The following ANKRD30A variants were observed in gnomAD, a reference collection of about 807,000 sequenced individuals.
The protein encoded by ANKRD30A is ankyrin repeat domain-containing protein 30A.
In ANKRD30A, 170 loss-of-function variants were observed where a neutral mutation model predicts 166.3. That is an observed-to-expected ratio of 1.02 (90% CI 0.90 to 1.16). The LOEUF (loss-of-function observed/expected upper bound fraction) is 1.16, where lower values mean the gene tolerates loss of function less well. ANKRD30A is among the 50% of genes most tolerant of loss of function. The pLI is 0.00. For synonymous variants in ANKRD30A, 564 were observed against 508.9 expected (o/e 1.11, Z -1.46); for missense variants, 1,630 against 1,518.0 (o/e 1.07, Z -1.23).
intron 25 of ANKRD30A, among the ~76,000 whole-genome samples, chr10:37,191,178 G>T (rs1588884792): frequency 6.6e-6 from 1 of 151,846 alleles, no homozygotes; most frequent in East Asian, 1.9e-4. Flanking sequence ...GATGAGATTT[G>T]TACATCTTCC....
At chr10:37,172,330 G>T (rs1839637204) in intron 21 of ANKRD30A, among the ~76,000 whole-genome samples, 1 of 122,854 alleles carries the variant, frequency 8.1e-6, no homozygotes, top group South Asian at 2.4e-4. Flanking sequence ...CAGTTGGATA[G>T]AAGGTCAAGA....
intron 9 of ANKRD30A, 111 bp downstream of exon 9, chr10:37,147,568 C>A (rs796976819): frequency 5.1e-6 from 3 of 589,098 alleles, no homozygotes; most frequent in Non-Finnish European, 5.6e-6. Flanking sequence ...TACATAACAT[C>A]GAAAAGAGAG....
In ANKRD30A at chr10:37,159,819, C is replaced by G. The variant is rs796265208; in HGVS notation, c.1900+1233C>G. On this transcript the variant is annotated intron_variant, in intron 15 of 35. Transcript: ENST00000361713. Reference sequence around the variant, plus strand: ...ACGCCATTCTCCTGCCTCAGCCTCCCGAGTAGCTGGGACTCCAGGCGCCTG... The same window carrying G: ...ACGCCATTCTCCTGCCTCAGCCTCCGGAGTAGCTGGGACTCCAGGCGCCTG... 4.6e-5 allele frequency among the ~76,000 whole-genome samples: 7 copies of G among 152,160 alleles called. No homozygotes were observed. The East Asian group carries it at 1.4e-3, about 29-fold the overall frequency.
intron 31 of ANKRD30A, among the ~76,000 whole-genome samples, chr10:37,202,792 A>G (rs1409839548): frequency 6.6e-6 from 1 of 152,196 alleles, no homozygotes; most frequent in African/African-American, 2.4e-5. Flanking sequence ...ACAATAAAAA[A>G]TGATAAAGGG....
rs572888009 is a variant in ANKRD30A at position 37,195,045 on chromosome 10, G to T, written c.2614+1787G>T. 3.1e-3 allele frequency among the ~76,000 whole-genome samples: 477 copies of T among 152,160 alleles called. 1 individual carries two copies. Among genetic ancestry groups the T allele is most frequent in the Non-Finnish European group, 5.5e-3 (372 of 68,004 alleles). On this transcript the variant is annotated intron_variant, in intron 27 of 35. Coordinates refer to ENST00000361713, the MANE Select transcript of ANKRD30A (RefSeq NM_052997.3). ...GAAAAATTTTAGTTTACACTTCTTA[G>T]AAAATATCAGTAAATAGAAGAAATA... is the stretch of plus-strand genomic sequence containing the variant.
chr10:37,258,912 G>A, the ANKRD30A span, among the ~76,000 whole-genome samples: 3 of 139,370 alleles, frequency 2.2e-5, no homozygotes, highest in Non-Finnish European at 3.0e-5. Context: ...GCAGTGAGCC[G>A]AGATTGTGCT....
chr10:37,232,994 A>G (rs1472236791), downstream of ANKRD30A, among the ~76,000 whole-genome samples: 1 of 151,850 alleles, frequency 6.6e-6, no homozygotes, highest in Non-Finnish European at 1.5e-5. Context: ...CTGTCACTAA[A>G]ATACCCATTT....
In ANKRD30A at chr10:37,145,027, G is replaced by A. The variant is rs867286949; in HGVS notation, c.1426G>A (p.Glu476Lys). 2.1e-5 allele frequency: 33 copies of A among 1,599,532 alleles called. No homozygotes were observed. Among genetic ancestry groups the A allele is most frequent in the Non-Finnish European group, 2.8e-5 (33 of 1,173,002 alleles). ...GTTCCCATCAGAATCCAAACAAGAG[G>A]AAGATGAAGAATATTCTTGTGATTC... ...QRFPSESKQE[E>K]DEEYSCDSRS... Residue 476 changes from glutamate to lysine, a missense_variant, in exon 8 of 36, where the codon GAA becomes AAA. By Grantham distance (56) the Glu-to-Lys change is moderately conservative. This residue lies in a region of ANKRD30A where 904 missense variants were observed against 818.5 expected (regional missense o/e 1.10). Coordinates refer to ENST00000361713, the MANE Select transcript of ANKRD30A (RefSeq NM_052997.3).
intron 15 of ANKRD30A, among the ~76,000 whole-genome samples, chr10:37,161,155 A>C (rs369107419): frequency 1.9e-4 from 29 of 152,292 alleles, no homozygotes; most frequent in South Asian, 8.3e-4. Flanking sequence ...GGTGATGCTG[A>C]TGCTGGTGGT....
intron 29 of ANKRD30A, among the ~76,000 whole-genome samples, chr10:37,198,215 C>T (rs886830850): frequency 5.9e-5 from 9 of 151,968 alleles, no homozygotes; most frequent in African/African-American, 9.7e-5. Context: ...AACATGTGTG[C>T]GTGGTCATAT....
intron 12 of ANKRD30A, 112 bp from the exon 13 acceptor site, chr10:37,153,460 T>C: frequency 6.6e-7 from 1 of 1,517,586 alleles, no homozygotes; most frequent in Non-Finnish European, 8.9e-7. Flanking sequence ...AGTCGAATTG[T>C]TTGCAAAGGA....
intron 34 of ANKRD30A, among the ~76,000 whole-genome samples, chr10:37,229,129 A>T (rs1035162210): frequency 2.0e-5 from 3 of 151,948 alleles, no homozygotes; most frequent in African/African-American, 7.2e-5. Context: ...TGGAGCTTCT[A>T]GGCATTCATA....
At chr10:37,163,020 T>C (rs1839054889) in intron 17 of ANKRD30A, among the ~76,000 whole-genome samples, 172 bp downstream of exon 17, 1 of 152,168 alleles carries the variant, frequency 6.6e-6, no homozygotes, top group East Asian at 1.9e-4. Context: ...CACAGTAATT[T>C]TCAATATATT....
At chr10:37,254,580 G>A in the ANKRD30A span, among the ~76,000 whole-genome samples, 1 of 150,204 alleles carries the variant, frequency 6.7e-6, no homozygotes, top group Admixed American at 6.6e-5. Context: ...CTGTTGAGTT[G>A]TAAAAGTTCT....
chr10:37,235,450 T>A (rs1264620368), downstream of ANKRD30A, among the ~76,000 whole-genome samples: 1 of 152,186 alleles, frequency 6.6e-6, no homozygotes, highest in Admixed American at 6.5e-5. Context: ...ACTTATTTGA[T>A]TATGCTACAT....
intron 35 of ANKRD30A, among the ~76,000 whole-genome samples, 195 bp from the exon 36 acceptor site, chr10:37,232,304 T>C (rs910913744): frequency 6.6e-6 from 1 of 151,938 alleles, no homozygotes; most frequent in Admixed American, 6.6e-5. Flanking sequence ...TCCCTCAGTT[T>C]TTGTAAAGTG....
chr10:37,128,864 C>G (rs1458152490), intron 1 of ANKRD30A, among the ~76,000 whole-genome samples: 1 of 152,130 alleles, frequency 6.6e-6, no homozygotes, highest in Middle Eastern at 3.4e-3. Context: ...AATATAACTA[C>G]CAACCGTGAT....
intron 29 of ANKRD30A, among the ~76,000 whole-genome samples, chr10:37,199,387 ATGG>A (rs1361889844): frequency 2.6e-5 from 4 of 152,036 alleles, no homozygotes; most frequent in Non-Finnish European, 4.4e-5. Context: ...GAAATGAGAG[ATGG>A]TAGGTAATTA....
intron 15 of ANKRD30A, among the ~76,000 whole-genome samples, chr10:37,161,594 A>G (rs1838875431): frequency 6.6e-6 from 1 of 152,194 alleles, no homozygotes; most frequent in Non-Finnish European, 1.5e-5. Context: ...TTGCATTTAG[A>G]TTATTTGTAC....
Sources: gnomAD v4.1 joint callset for allele counts (sites outside exome capture counted in the v4.1 genomes callset) on GRCh38, gnomAD v4.1.1 for gene constraint, gnomAD v4.1.1 regional missense constraint, MANE v1.5 for transcripts, NCBI Gene and HGNC (gene_info 2026-07-23, HGNC 2026-07-21) for gene names.